Variants in MGAT4C observed in about 807,000 individuals in gnomAD.
MGAT4C encodes the protein alpha-1,3-mannosyl-glycoprotein 4-beta-N-acetylglucosaminyltransferase C.
Under a neutral mutation model 40.1 loss-of-function variants are expected in MGAT4C, and 19 were observed. The ratio of observed to expected loss-of-function variants is 0.47; its 90% confidence interval spans 0.33 to 0.70. The LOEUF is 0.70. Among genes scored for constraint, MGAT4C ranks in the 30% least tolerant of loss-of-function variants. MGAT4C has a pLI of 0.02. For missense variants in MGAT4C, 491 were observed against 563.2 expected (o/e 0.87, Z 1.30); for synonymous variants, 181 against 187.1 (o/e 0.97, Z 0.27).
chr12:86,273,958 C>A (rs144146496), intron 4 of MGAT4C, among the ~76,000 whole-genome samples: 4 of 152,262 alleles, frequency 2.6e-5, no homozygotes, highest in African/African-American at 9.6e-5. Context: ...AGAAAAGAGG[C>A]TTAACTGGTT....
chr12:86,426,697 A>C lies in MGAT4C; in HGVS notation c.-120+8460T>G, dbSNP rs188243511. Among the ~76,000 whole-genome samples the C allele has an allele frequency of 6.5e-3, 984 of 152,224 alleles. 10 individuals carry two copies. Among genetic ancestry groups the C allele is most frequent in the African/African-American group, 0.023 (941 of 41,550 alleles). ...GCGTGGTGGCTCACGCCTGTAATCA[A>C]AGCACTTTGGGAGGCCGAGGAGGGC... On this transcript the variant is annotated intron_variant, in intron 3 of 7. Coordinates refer to the MGAT4C transcript ENST00000548651.
intron 2 of MGAT4C, among the ~76,000 whole-genome samples, chr12:86,551,648 G>A (rs775965591): frequency 1.3e-5 from 2 of 152,178 alleles, no homozygotes; most frequent in East Asian, 3.9e-4. Context: ...CCCACCCAGA[G>A]TAACAGCCTT....
chr12:86,811,336 ATTTTTTTT>A lies in MGAT4C; in HGVS notation c.-262+27322_-262+27329del, dbSNP rs553885593. On this transcript the variant is annotated intron_variant, in intron 1 of 7. Coordinates refer to the MGAT4C transcript ENST00000548651. ...TGATGTTCACCAAGGCACTCATAGT[ATTTTTTTT>A]TTTTTTTTTTTTTCTTGAGACAGAG... 1.8e-4 allele frequency among the ~76,000 whole-genome samples: 19 copies of A among 106,946 alleles called. 1 individual carries two copies. The highest frequency in any genetic ancestry group is 1.3e-3 in the Admixed American group (12 of 9,496). The allele number at this position is 106,946 out of a possible 152,430, so 70.2% of individuals were successfully genotyped here.
chr12:86,815,303 C>T (rs1237502560), intron 1 of MGAT4C, among the ~76,000 whole-genome samples: 2 of 152,038 alleles, frequency 1.3e-5, no homozygotes, highest in African/African-American at 2.4e-5. Flanking sequence ...GCAATACCGC[C>T]TTGCTCCTGT....
chr12:86,391,552 T>C (rs1301086470), intron 3 of MGAT4C, among the ~76,000 whole-genome samples: 1 of 152,160 alleles, frequency 6.6e-6, no homozygotes, highest in Non-Finnish European at 1.5e-5. Context: ...TTGGTAACTT[T>C]ATTCAATCAA....
intron 2 of MGAT4C, among the ~76,000 whole-genome samples, chr12:86,623,441 GT>G (rs564874137): frequency 2.0e-5 from 3 of 151,876 alleles, no homozygotes; most frequent in Non-Finnish European, 4.4e-5. Context: ...AAAGTTATCA[GT>G]TTTTTTTAAA....
intron 2 of MGAT4C, among the ~76,000 whole-genome samples, chr12:86,006,784 T>C (rs560312644): frequency 1.3e-3 from 194 of 152,326 alleles, no homozygotes; most frequent in African/African-American, 4.4e-3. Flanking sequence ...TGGGTCATTT[T>C]TGCAAATAAT....
Position 86,074,790 on chromosome 12 carries a change from G to T in MGAT4C, c.-56-25067C>A, listed in dbSNP as rs371247937. On this transcript the variant is annotated intron_variant, in intron 1 of 4. Transcript: ENST00000611864. ...AGAGAGAATTGAAGGCCAAGGAAAA[G>T]AGATTTTCCCTTATAAAAGCATCAG... 9.2e-3 allele frequency among the ~76,000 whole-genome samples: 1,285 copies of T among 139,312 alleles called. 18 individuals are homozygous for T. The highest frequency in any genetic ancestry group is 0.036 in the African/African-American group (1,201 of 33,092). 91.4% of individuals were successfully genotyped at this position (139,312 alleles called of 152,430 possible).
chr12:86,162,159 G>A (rs1885661609), intron 1 of MGAT4C, among the ~76,000 whole-genome samples: 1 of 152,000 alleles, frequency 6.6e-6, no homozygotes, highest in African/African-American at 2.4e-5. Flanking sequence ...TACTCAATGG[G>A]AAATAAATCA....
chr12:85,977,779 TTCACACACACACACAC>T lies in MGAT4C; in HGVS notation c.*1494_*1509del, dbSNP rs1248507129. On this transcript the variant is annotated 3_prime_UTR_variant, in exon 5 of 5. Coordinates refer to ENST00000611864, the MANE Select transcript of MGAT4C (RefSeq NM_001351288.2). ...CTGTCTTACCAGCAAAAGTCTAGCC[TTCACACACACACACAC>T]ACACACACACACACACACACACACA... is the stretch of plus-strand genomic sequence containing the variant. 4 of 74,076 alleles carry T rather than the reference TTCACACACACACACAC, an allele frequency of 5.4e-5. No individual in the cohort carries two copies. The highest frequency in any genetic ancestry group is 1.6e-4 in the African/African-American group (3 of 18,420). 4.6% of individuals were successfully genotyped at this position (74,076 alleles called of 1,614,324 possible).
At chr12:86,270,417 C>T (rs1952915176) in intron 4 of MGAT4C, among the ~76,000 whole-genome samples, 1 of 152,116 alleles carries the variant, frequency 6.6e-6, no homozygotes, top group Non-Finnish European at 1.5e-5. Context: ...AAGAACTCCC[C>T]ATACCTTTCT....
chr12:86,262,713 T>A (rs1292724414), intron 4 of MGAT4C, among the ~76,000 whole-genome samples: 1 of 152,098 alleles, frequency 6.6e-6, no homozygotes, highest in Non-Finnish European at 1.5e-5. Flanking sequence ...AACTTTGGCA[T>A]GAAATTGGAA....
At chr12:86,657,108 A>G (rs576065586) in intron 2 of MGAT4C, among the ~76,000 whole-genome samples, 125 of 152,160 alleles carry the variant, frequency 8.2e-4, no homozygotes, top group African/African-American at 2.9e-3. Flanking sequence ...TTCACTTGCC[A>G]TATCTTCCAT....
At chr12:86,174,655 T>C (rs762462229) in intron 1 of MGAT4C, among the ~76,000 whole-genome samples, 2 of 152,136 alleles carry the variant, frequency 1.3e-5, no homozygotes, top group African/African-American at 2.4e-5. Flanking sequence ...CATCAGTAAT[T>C]CCAATATCAA....
chr12:86,272,507 A>AT (rs912219866), intron 4 of MGAT4C, among the ~76,000 whole-genome samples: 22 of 150,824 alleles, frequency 1.5e-4, no homozygotes, highest in East Asian at 7.8e-4. Flanking sequence ...CCTAAGAGAG[A>AT]TTTTTTTTTT....
At chr12:86,394,213 ACATATAGC>A (rs1956206612) in intron 3 of MGAT4C, among the ~76,000 whole-genome samples, 1 of 152,126 alleles carries the variant, frequency 6.6e-6, no homozygotes, top group Non-Finnish European at 1.5e-5. Flanking sequence ...TTAATAAACA[ACATATAGC>A]CATATGGGCT....
intron 2 of MGAT4C, among the ~76,000 whole-genome samples, chr12:86,628,360 A>C (rs1264928430): frequency 1.3e-5 from 2 of 152,210 alleles, no homozygotes; most frequent in Non-Finnish European, 2.9e-5. Context: ...CAACCTAGCA[A>C]GTCAGGCCAC....
intron 1 of MGAT4C, among the ~76,000 whole-genome samples, chr12:86,801,321 G>A (rs1452740079): frequency 2.0e-4 from 31 of 151,858 alleles, no homozygotes; most frequent in Admixed American, 1.8e-3. Context: ...TAATAAAAAA[G>A]GGAGGAGAAT....
At chr12:86,162,641 G>T (rs934238331) in intron 1 of MGAT4C, among the ~76,000 whole-genome samples, 3 of 151,992 alleles carry the variant, frequency 2.0e-5, no homozygotes, top group African/African-American at 7.2e-5. Context: ...TAAAATGAAG[G>T]TTGAAGTAAA....
Sources: gnomAD v4.1 joint callset for allele counts (sites outside exome capture counted in the v4.1 genomes callset) on GRCh38, gnomAD v4.1.1 for gene constraint, MANE v1.5 for transcripts, NCBI Gene and HGNC (gene_info 2026-07-23, HGNC 2026-07-21) for gene names.